ZCCHC14: variants seen among roughly 807,000 people sequenced by gnomAD.
The protein encoded by ZCCHC14 is zinc finger CCHC domain-containing protein 14.
ZCCHC14 carries 16 observed loss-of-function variants against 85.0 expected under a neutral mutation model. The ratio of observed to expected loss-of-function variants is 0.19; its 90% CI spans 0.13 to 0.29. The LOEUF (loss-of-function observed/expected upper bound fraction) is 0.29, where lower values mean the gene tolerates loss of function less well. Among genes scored for constraint, ZCCHC14 ranks in the 10% least tolerant of loss-of-function variants. The pLI is 1.00. For missense variants in ZCCHC14, 1,303 were observed against 1,443.5 expected (o/e 0.90, Z 1.58); for synonymous variants, 775 against 630.7 (o/e 1.23, Z -3.43).
intron 2 of ZCCHC14, among the ~76,000 whole-genome samples, chr16:87,447,050 C>G (rs957773520): frequency 2.6e-5 from 4 of 152,184 alleles, no homozygotes; most frequent in African/African-American, 9.7e-5. Context: ...AGAATTTTCA[C>G]ATTCAAAATA....
At position 87,408,596 on chromosome 16, in the gene ZCCHC14, G is replaced by A. The variant is rs1369758690; in HGVS notation, c.*1684C>T. The A allele has an allele frequency of 1.3e-5, 2 of 152,448 alleles. No individual in the cohort carries two copies. Among genetic ancestry groups the A allele is most frequent in the African/African-American group, 4.8e-5 (2 of 41,428 alleles). The allele number at this position is 152,448 out of a possible 1,614,324, so 9.4% of individuals were successfully genotyped here. ...ACACTGTAATACTGTGTACCATGAG[G>A]AGAAGAGGTCTGTTAATTCTGCATT... On this transcript the variant is annotated 3_prime_UTR_variant, in exon 13 of 13. Coordinates refer to ENST00000671377, the MANE Select transcript of ZCCHC14 (RefSeq NM_015144.3).
intron 2 of ZCCHC14, among the ~76,000 whole-genome samples, chr16:87,446,699 T>C (rs1318712080): frequency 6.6e-6 from 1 of 150,984 alleles, no homozygotes; most frequent in African/African-American, 2.4e-5. Context: ...CTGACTTTCT[T>C]TTTTTTTTGA....
intron 1 of ZCCHC14, among the ~76,000 whole-genome samples, chr16:87,481,526 C>CGAGGGG (rs1555525655): frequency 4.1e-4 from 1 of 2,430 alleles, no homozygotes; most frequent in Non-Finnish European, 8.0e-4. Flanking sequence ...GGGAGAGAAA[C>CGAGGGG]GGGGGGGGGG....
intron 6 of ZCCHC14, 121 bp from the exon 7 acceptor site, chr16:87,419,022 T>C (rs1191738371): frequency 3.3e-6 from 3 of 912,990 alleles, no homozygotes; most frequent in African/African-American, 3.3e-5. Context: ...AATGGTGCGA[T>C]CTCGGCTCAC....
At chr16:87,468,898 T>C (rs1217767432) in intron 1 of ZCCHC14, among the ~76,000 whole-genome samples, 1 of 152,184 alleles carries the variant, frequency 6.6e-6, no homozygotes, top group Non-Finnish European at 1.5e-5. Flanking sequence ...TTCCCTAATA[T>C]TGAGTACTGC....
chr16:87,444,293 T>C lies in ZCCHC14; in HGVS notation c.695-11092A>G, dbSNP rs9673681. 9.0e-3 allele frequency among the ~76,000 whole-genome samples: 1,374 copies of C among 152,290 alleles called. 20 individuals carry two copies. Among genetic ancestry groups the C allele is most frequent in the African/African-American group, 0.032 (1,322 of 41,564 alleles). ...ATGTCAGAAAGCAAGGAATTGCTCA[T>C]AGAATGACAGGACATATTAAAAAGA... On this transcript the variant is annotated intron_variant, in intron 2 of 12. Transcript: ENST00000671377.
chr16:87,468,000 G>C (rs1415919375), intron 1 of ZCCHC14, among the ~76,000 whole-genome samples: 1 of 152,124 alleles, frequency 6.6e-6, no homozygotes, highest in Non-Finnish European at 1.5e-5. Flanking sequence ...GGCTCCCAAA[G>C]TACTGGGATT....
chr16:87,486,551 C>A (rs143679339), intron 1 of ZCCHC14, among the ~76,000 whole-genome samples: 1 of 152,324 alleles, frequency 6.6e-6, no homozygotes, highest in Admixed American at 6.5e-5. Context: ...TTTCTCAGAA[C>A]GTATCTGTGT....
At chr16:87,476,010 T>C (rs1911988466) in intron 1 of ZCCHC14, among the ~76,000 whole-genome samples, 1 of 152,144 alleles carries the variant, frequency 6.6e-6, no homozygotes, top group African/African-American at 2.4e-5. Flanking sequence ...AAACAACTTG[T>C]GAGCACAGGG....
At position 87,410,246 on chromosome 16, in the gene ZCCHC14, T is replaced by A. The variant is rs200960757; in HGVS notation, c.*34A>T. The A allele has an allele frequency of 1.0e-4, 76 of 738,088 alleles. 1 individual carries two copies. The East Asian group carries it at 1.8e-3, about 18-fold the overall frequency. 45.7% of individuals were successfully genotyped at this position (738,088 alleles called of 1,614,324 possible). A position where few individuals can be genotyped will look rare whatever the true frequency, so the allele number is the denominator to read the frequency against. ...GTATTTAATTTTCCTTATGTCTCCA[T>A]GGCTTAATAACGTTCTGTTGCCAGA... On this transcript the variant is annotated 3_prime_UTR_variant, in exon 13 of 13. Coordinates refer to ENST00000671377, the MANE Select transcript of ZCCHC14 (RefSeq NM_015144.3).
chr16:87,486,705 TTATCTCCTG>T (rs1421273039), intron 1 of ZCCHC14, among the ~76,000 whole-genome samples: 2 of 152,212 alleles, frequency 1.3e-5, no homozygotes, highest in African/African-American at 4.8e-5. Context: ...TGTTAGAATA[TTATCTCCTG>T]TATCTCCTGT....
At chr16:87,429,083 C>T (rs1041299745) in intron 3 of ZCCHC14, among the ~76,000 whole-genome samples, 8 of 152,182 alleles carry the variant, frequency 5.3e-5, no homozygotes, top group East Asian at 1.9e-4. Context: ...CTGGAACTTA[C>T]GGGTCATACT....
At position 87,437,109 on chromosome 16, in the gene ZCCHC14, G is replaced by A. The variant is rs555290318; in HGVS notation, c.695-3908C>T. On this transcript the variant is annotated intron_variant, in intron 2 of 12. Coordinates refer to ENST00000671377, the MANE Select transcript of ZCCHC14 (RefSeq NM_015144.3). The stretch of plus-strand genomic sequence containing the variant: ...CCCAGCACTTTGGGAGGCTGAGGCA[G>A]GTGGATCACCTGAGGTCAGGAGTTA... Among the ~76,000 whole-genome samples, 224 of 152,168 alleles carry A rather than the reference G, an allele frequency of 1.5e-3. 2 individuals are homozygous for A. Among genetic ancestry groups the A allele is most frequent in the African/African-American group, 4.9e-3 (204 of 41,524 alleles).
intron 3 of ZCCHC14, among the ~76,000 whole-genome samples, chr16:87,430,070 C>A (rs1909573802): frequency 6.6e-6 from 1 of 152,212 alleles, no homozygotes; most frequent in African/African-American, 2.4e-5. Flanking sequence ...TTAATATATT[C>A]TAATTCATCG....
chr16:87,409,217 A>G lies in ZCCHC14; in HGVS notation c.*1063T>C, dbSNP rs139858112. 3 of 152,308 alleles carry G rather than the reference A, an allele frequency of 2.0e-5. No individual in the cohort carries two copies. Among genetic ancestry groups the G allele is most frequent in the Non-Finnish European group, 4.4e-5 (3 of 68,010 alleles). 9.4% of individuals were successfully genotyped at this position (152,308 alleles called of 1,614,324 possible). A position where few individuals can be genotyped will look rare whatever the true frequency, so the allele number is the denominator to read the frequency against. On this transcript the variant is annotated 3_prime_UTR_variant, in exon 13 of 13. Coordinates refer to ENST00000671377, the MANE Select transcript of ZCCHC14 (RefSeq NM_015144.3). ...AGAAGTTGACAGGAGAAAATTCCCAATCTTTTGCTGATAAATGACAGGACT... is the reference window on the plus strand; with the variant it reads ...AGAAGTTGACAGGAGAAAATTCCCAGTCTTTTGCTGATAAATGACAGGACT...
At chr16:87,434,120 C>A (rs1424849438) in intron 2 of ZCCHC14, among the ~76,000 whole-genome samples, 2 of 152,160 alleles carry the variant, frequency 1.3e-5, no homozygotes, top group African/African-American at 4.8e-5. Flanking sequence ...ACCAGGGAGC[C>A]CGGAAGGCAT....
Position 87,418,921 on chromosome 16 carries a change from T to C in ZCCHC14, c.1046-20A>G, listed in dbSNP as rs1240641617. On this transcript the variant is annotated intron_variant, in intron 6 of 12. Coordinates refer to ENST00000671377, the MANE Select transcript of ZCCHC14 (RefSeq NM_015144.3). Reference sequence around the variant, plus strand: ...CAGGACCTATAAATTTAAAAATAAATACCATAAAAATTTACAGACAATGAA... The same window carrying C: ...CAGGACCTATAAATTTAAAAATAAACACCATAAAAATTTACAGACAATGAA... 5.1e-6 allele frequency: 8 copies of C among 1,578,902 alleles called. No individual in the cohort carries two copies. The highest frequency in any genetic ancestry group is 6.9e-6 in the Non-Finnish European group (8 of 1,156,816).
intron 3 of ZCCHC14, among the ~76,000 whole-genome samples, chr16:87,425,565 A>C (rs1367256112): frequency 2.6e-5 from 4 of 151,746 alleles, no homozygotes; most frequent in Non-Finnish European, 5.9e-5. Context: ...AACAAGAGCG[A>C]AACTCTATCA....
At position 87,411,453 on chromosome 16, in the gene ZCCHC14, C is replaced by A. The variant is rs751348139; in HGVS notation, c.3205+63G>T. ...GAAAGAAGTTTACTCTTCATAAAAA[C>A]CAAGCATTTGTGTGCACTGGTCCTG... On this transcript the variant is annotated intron_variant, in intron 12 of 12. Coordinates refer to ENST00000671377, the MANE Select transcript of ZCCHC14 (RefSeq NM_015144.3). The A allele has an allele frequency of 4.5e-6, 7 of 1,567,308 alleles. No individual in the cohort carries two copies. In the East Asian group the frequency reaches 1.4e-4, roughly 30 times the overall value.
Sources: allele counts gnomAD v4.1 joint callset (sites outside exome capture counted in the v4.1 genomes callset), GRCh38; gene constraint gnomAD v4.1.1; transcripts MANE v1.5; gene names NCBI Gene and HGNC (gene_info 2026-07-23, HGNC 2026-07-21).